The following BICRA variants were observed in gnomAD, a reference collection of about 807,000 sequenced individuals.
BICRA encodes BRD4-interacting chromatin-remodeling complex-associated protein.
BICRA carries 31 observed loss-of-function variants against 96.9 expected under a neutral mutation model. The ratio of observed to expected loss-of-function variants is 0.32; its 90% CI spans 0.24 to 0.43. The LOEUF is 0.43. Ranked by LOEUF, BICRA falls within the 20% of genes least tolerant of loss-of-function variation. The pLI is 1.00. For synonymous variants in BICRA, 1,350 were observed against 1,071.8 expected, an observed-to-expected ratio of 1.26 and a Z score of -5.07; for missense variants, 2,283 against 2,190.3, an observed-to-expected ratio of 1.04 and a Z score of -0.84.
chr19:47,694,763 C>G, intron 8 of BICRA, 37 bp downstream of exon 8: 1 of 1,141,214 alleles, frequency 8.8e-7, no homozygotes, highest in Non-Finnish European at 1.3e-6. Context: ...CCATCAGCCC[C>G]ATCCCATCCC....
chr19:47,622,952 G>A (rs1972087096), intron 1 of BICRA, among the ~76,000 whole-genome samples: 2 of 150,500 alleles, frequency 1.3e-5, no homozygotes, highest in African/African-American at 4.9e-5. Context: ...GCAGAGAATT[G>A]TTTGAGCCCA....
At chr19:47,618,264 A>G (rs185142924) in intron 1 of BICRA, among the ~76,000 whole-genome samples, 1 of 152,146 alleles carries the variant, frequency 6.6e-6, no homozygotes, top group Non-Finnish European at 1.5e-5. Flanking sequence ...GTGATGGGCA[A>G]CTGGGTCAGC....
chr19:47,625,742 C>T (rs1003245152), intron 1 of BICRA, among the ~76,000 whole-genome samples: 2 of 151,740 alleles, frequency 1.3e-5, no homozygotes, highest in Admixed American at 6.6e-5. Context: ...TCACAGTTTG[C>T]GAAGTGGAGA....
chr19:47,697,660 T>G (rs1187549824), intron 11 of BICRA, among the ~76,000 whole-genome samples: 1 of 152,060 alleles, frequency 6.6e-6, no homozygotes, highest in Non-Finnish European at 1.5e-5. Flanking sequence ...GTATTTTTAG[T>G]AGAGACGGGG....
rs1331457750 is a variant in BICRA at position 47,702,274 on chromosome 19, C to G, written c.4542C>G (p.Ala1514=). Residue 1514 remains alanine (A), a synonymous_variant, in exon 15 of 15, where the codon GCC becomes GCG. Transcript: ENST00000594866. ...AIDSILNLQQ[A]PGRTPAPSYP... ...ACAGCATCCTGAACCTGCAGCAGGC[C>G]CCCGGCCGGACGCCCGCGCCCTCGT... The G allele has an allele frequency of 2.5e-6, 4 of 1,596,068 alleles. No homozygotes were observed. In the East Asian group the frequency reaches 6.8e-5, roughly 27 times the overall value.
intron 1 of BICRA, among the ~76,000 whole-genome samples, chr19:47,642,574 C>T (rs1040516765): frequency 2.6e-5 from 4 of 152,008 alleles, no homozygotes; most frequent in East Asian, 3.9e-4. Context: ...TGGTGGCACG[C>T]GCCTGTAGTC....
At chr19:47,683,918 C>T (rs1180319861) in intron 7 of BICRA, among the ~76,000 whole-genome samples, 3 of 152,216 alleles carry the variant, frequency 2.0e-5, no homozygotes, top group Non-Finnish European at 4.4e-5. Context: ...ATGTGGTACT[C>T]ATTCAAAAAA....
In BICRA at chr19:47,680,844, C is replaced by G. The variant is rs764342455; in HGVS notation, c.1674C>G (p.Pro558=). Reference sequence around the variant, plus strand: ...GCCAGCCTGCGCTCTTCCAGATGCCCGTGTCGCTGGCGGCGGGCAGCCTGC... The same window carrying G: ...GCCAGCCTGCGCTCTTCCAGATGCCGGTGTCGCTGGCGGCGGGCAGCCTGC... ...QVGQPALFQM[P]VSLAAGSLPT... Residue 558 remains proline (P), a synonymous_variant, in exon 6 of 15, where the codon CCC becomes CCG. Coordinates refer to ENST00000594866, the MANE Select transcript of BICRA (RefSeq NM_001394372.1). 7 of 1,587,268 alleles carry G rather than the reference C, an allele frequency of 4.4e-6. No individual in the cohort carries two copies. The highest frequency in any genetic ancestry group is 1.7e-4 in the Middle Eastern group (1 of 5,896).
At chr19:47,632,760 G>A (rs66908770) in intron 1 of BICRA, among the ~76,000 whole-genome samples, 41,342 of 152,066 alleles carry the variant, frequency 0.27, 5,943 homozygotes, top group Non-Finnish European at 0.32. Flanking sequence ...CACGGTGGGA[G>A]GGGACCACCT....
chr19:47,683,301 T>G (rs1973094981), intron 7 of BICRA, among the ~76,000 whole-genome samples: 1 of 152,096 alleles, frequency 6.6e-6, no homozygotes, highest in South Asian at 2.1e-4. Flanking sequence ...ACCAGTATGT[T>G]GAACTTGGCC....
chr19:47,652,982 T>C (rs1972561671), intron 1 of BICRA, among the ~76,000 whole-genome samples: 2 of 152,038 alleles, frequency 1.3e-5, no homozygotes, highest in East Asian at 3.9e-4. Context: ...CTGGGCGATC[T>C]TTCCCTATCA....
At chr19:47,613,866 C>T (rs991512041) in intron 1 of BICRA, among the ~76,000 whole-genome samples, 158 of 151,936 alleles carry the variant, frequency 1.0e-3, no homozygotes, top group Admixed American at 1.1e-3. Flanking sequence ...GGAGAGTTTT[C>T]TAAGGCATTT....
chr19:47,684,490 A>G (rs868154511), intron 7 of BICRA, among the ~76,000 whole-genome samples: 5 of 152,016 alleles, frequency 3.3e-5, no homozygotes, highest in African/African-American at 4.8e-5. Flanking sequence ...GCTAATTTCT[A>G]TATTTTTAGT....
intron 1 of BICRA, chr19:47,661,584 G>T (rs764037885): frequency 1.3e-5 from 2 of 152,266 alleles, no homozygotes; most frequent in South Asian, 2.1e-4. Context: ...TTTACCAATC[G>T]GTAGGTCAGC....
intron 1 of BICRA, among the ~76,000 whole-genome samples, chr19:47,613,994 T>C (rs1259576117): frequency 6.6e-6 from 1 of 151,890 alleles, no homozygotes; most frequent in Admixed American, 6.6e-5. Flanking sequence ...CCAATTAAAC[T>C]TCCTGAGGGC....
intron 14 of BICRA, chr19:47,700,592 G>A (rs2123615387): frequency 6.6e-6 from 1 of 152,348 alleles, no homozygotes; most frequent in South Asian, 2.1e-4. Context: ...TCAGGAGTGT[G>A]AGACCAGACT....
chr19:47,698,954 C>A lies in BICRA; in HGVS notation c.3398-11C>A. ...ACATCTCCGCCCTTGCCTCTCTTCCCTTCCTCGCAGTGGACGAGGAGTTTG... is the reference window on the plus strand; with the variant it reads ...ACATCTCCGCCCTTGCCTCTCTTCCATTCCTCGCAGTGGACGAGGAGTTTG... On this transcript the variant is annotated splice_polypyrimidine_tract_variant and intron_variant, in intron 12 of 14. Transcript: ENST00000594866. The surrounding 1 kb of genome is among the most constrained non-coding windows in gnomAD (Gnocchi z 4.8). 2 of 1,560,968 alleles carry A rather than the reference C, an allele frequency of 1.3e-6. No individual in the cohort carries two copies. The highest frequency in any genetic ancestry group is 1.4e-5 in the African/African-American group (1 of 73,592).
intron 1 of BICRA, among the ~76,000 whole-genome samples, chr19:47,616,730 G>C (rs1450379969): frequency 6.6e-6 from 1 of 152,078 alleles, no homozygotes; most frequent in Non-Finnish European, 1.5e-5. Context: ...GTGTTGTGAC[G>C]CTTCAATGAG....
At position 47,679,623 on chromosome 19, in the gene BICRA, C is replaced by A; in HGVS notation, c.453C>A (p.Ala151=). Residue 151 remains alanine (A), a synonymous_variant, in exon 6 of 15, where the codon GCC becomes GCA. Coordinates refer to ENST00000594866, the MANE Select transcript of BICRA (RefSeq NM_001394372.1). Reference sequence around the variant, plus strand: ...CGACGGGCGCTGGAGGGGCAGCGGCCGTGGCTGCGGGGCCCCAAGCCCTCT... The same window carrying A: ...CGACGGGCGCTGGAGGGGCAGCGGCAGTGGCTGCGGGGCCCCAAGCCCTCT... The part of the protein sequence containing the change: ...AGPTGAGGAA[A]VAAGPQALFP... 5 of 1,516,098 alleles carry A rather than the reference C, an allele frequency of 3.3e-6. No homozygotes were observed. Among genetic ancestry groups the A allele is most frequent in the Non-Finnish European group, 4.4e-6 (5 of 1,132,242 alleles). The allele number at this position is 1,516,098 out of a possible 1,614,324, so 93.9% of individuals were successfully genotyped here.
Sources: allele counts gnomAD v4.1 joint callset (sites outside exome capture counted in the v4.1 genomes callset), GRCh38; gene constraint gnomAD v4.1.1; non-coding constraint Gnocchi (gnomAD v3.1); transcripts MANE v1.5; gene names NCBI Gene and HGNC (gene_info 2026-07-23, HGNC 2026-07-21).